Variants in PIK3R1 observed in about 807,000 individuals in gnomAD.
PIK3R1 encodes the protein phosphoinositide-3-kinase regulatory subunit 1, also known as phosphatidylinositol 3-kinase regulatory subunit alpha.
Under a neutral mutation model 98.0 loss-of-function variants are expected in PIK3R1, and 29 were observed. The observed-to-expected ratio is 0.30, with a 90% confidence interval of 0.22 to 0.40. PIK3R1 has a LOEUF of 0.40. PIK3R1 is among the 10% of genes least tolerant of loss of function. The pLI is 1.00. For missense variants in PIK3R1, 596 were observed against 872.7 expected (o/e 0.68, Z 3.99); for synonymous variants, 282 against 311.8 (o/e 0.90, Z 1.01).
At chr5:68,273,534 G>A (rs1276229219) in intron 3 of PIK3R1, 52 bp downstream of exon 3, 2 of 1,398,106 alleles carry the variant, frequency 1.4e-6, no homozygotes, top group South Asian at 1.2e-5. Context: ...CTTATTTCAT[G>A]GCTCTTATTA....
intron 2 of PIK3R1, among the ~76,000 whole-genome samples, chr5:68,260,980 T>C (rs1745722067): frequency 6.6e-6 from 1 of 152,198 alleles, no homozygotes; most frequent in Non-Finnish European, 1.5e-5. Context: ...ACCTATCCCC[T>C]GGGTTAGAAA....
chr5:68,272,059 T>C (rs1374579792), intron 2 of PIK3R1, among the ~76,000 whole-genome samples: 1 of 151,906 alleles, frequency 6.6e-6, no homozygotes, highest in African/African-American at 2.4e-5. Flanking sequence ...GAGACCAGCC[T>C]GGGCAATATG....
intron 3 of PIK3R1, 106 bp from the exon 4 acceptor site, chr5:68,273,833 A>G: frequency 3.5e-6 from 3 of 861,928 alleles, no homozygotes; most frequent in Admixed American, 3.5e-5. Flanking sequence ...GTACACATCT[A>G]GAACAGATAC....
At chr5:68,290,751 T>C (rs1222404333) in intron 7 of PIK3R1, 1 of 1,613,410 alleles carries the variant, frequency 6.2e-7, no homozygotes, top group Non-Finnish European at 8.5e-7. Context: ...GTTTGGAATA[T>C]GGAAGACCTG....
At chr5:68,262,971 A>G (rs1164458836) in intron 2 of PIK3R1, among the ~76,000 whole-genome samples, 6 of 55,342 alleles carry the variant, frequency 1.1e-4, no homozygotes, top group East Asian at 1.3e-3. Flanking sequence ...ATGTATACAT[A>G]TATACATGTA....
intron 2 of PIK3R1, among the ~76,000 whole-genome samples, chr5:68,242,696 G>T (rs1198473366): frequency 2.0e-5 from 3 of 152,206 alleles, no homozygotes; most frequent in Non-Finnish European, 4.4e-5. Context: ...GAACGGGATA[G>T]CCCAAGGCCT....
In PIK3R1 at chr5:68,279,747, C is replaced by T; in HGVS notation, c.634+14C>T. On this transcript the variant is annotated intron_variant, in intron 5 of 15. Coordinates refer to ENST00000521381, the MANE Select transcript of PIK3R1 (RefSeq NM_181523.3). ...CTTTAGCTCCAGGTTTGTTTTTTCT[C>T]TTCTGGGAACCTCATTGAACATACA... is the stretch of plus-strand genomic sequence containing the variant. 1 of 1,613,220 alleles carries T rather than the reference C, an allele frequency of 6.2e-7. No individual in the cohort carries two copies. The highest frequency in any genetic ancestry group is 8.5e-7 in the Non-Finnish European group (1 of 1,179,272).
intron 11 of PIK3R1, 60 bp from the exon 12 acceptor site, chr5:68,294,476 T>A: frequency 2.3e-6 from 3 of 1,302,302 alleles, no homozygotes; most frequent in Non-Finnish European, 3.2e-6. Flanking sequence ...TGGTAGTGTC[T>A]TGCAGTAAGA....
intron 2 of PIK3R1, among the ~76,000 whole-genome samples, chr5:68,250,158 C>CA (rs1745248110): frequency 6.6e-6 from 1 of 152,178 alleles, no homozygotes; most frequent in Non-Finnish European, 1.5e-5. Flanking sequence ...AGCACTTGCT[C>CA]CTCTCCAGCT....
intron 4 of PIK3R1, among the ~76,000 whole-genome samples, chr5:68,279,381 CAG>C (rs1746721552): frequency 6.6e-6 from 1 of 152,140 alleles, no homozygotes; most frequent in Admixed American, 6.5e-5. Context: ...TGCAATATGT[CAG>C]AGAGACCTCC....
intron 2 of PIK3R1, among the ~76,000 whole-genome samples, chr5:68,246,313 ATTTT>A (rs11351105): frequency 3.1e-5 from 4 of 127,288 alleles, no homozygotes; most frequent in South Asian, 5.0e-4. Flanking sequence ...TGGTGTGTAT[ATTTT>A]TTTTTTTTTT....
intron 2 of PIK3R1, among the ~76,000 whole-genome samples, chr5:68,246,312 TA>T (rs1210782226): frequency 8.6e-5 from 10 of 116,892 alleles, no homozygotes; most frequent in African/African-American, 3.3e-4. Flanking sequence ...TTGGTGTGTA[TA>T]TTTTTTTTTT....
intron 1 of PIK3R1, among the ~76,000 whole-genome samples, chr5:68,218,279 G>A (rs939065989): frequency 6.6e-6 from 1 of 152,116 alleles, no homozygotes; most frequent in Non-Finnish European, 1.5e-5. Flanking sequence ...ATTTTTGAAG[G>A]ACTTTGAATT....
rs1416053105 is a variant in PIK3R1, at chr5:68,273,350, A to G, written c.335-40A>G. 6 of 1,545,580 alleles carry G rather than the reference A, an allele frequency of 3.9e-6. No individual in the cohort carries two copies. The African/African-American group carries it at 6.8e-5, about 18-fold the overall frequency. On this transcript the variant is annotated intron_variant, in intron 2 of 15. Transcript: ENST00000521381. ...TCATTGTGGTCTAATGCATTCAACT[A>G]TCCAAATTAAATACAATGGTGGGAT...
chr5:68,217,584 C>T (rs1743934559), intron 1 of PIK3R1: 1 of 151,296 alleles, frequency 6.6e-6, no homozygotes. Context: ...CTTTAGGAAG[C>T]AAGTGTTTTT....
In PIK3R1 at chr5:68,273,278, GTTC is replaced by G. The variant is rs942840276; in HGVS notation, c.335-106_335-104del. The G allele has an allele frequency of 1.9e-4, 184 of 972,352 alleles. No individual in the cohort carries two copies. The African/African-American group carries it at 2.6e-3, about 14-fold the overall frequency. The allele number at this position is 972,352 out of a possible 1,614,324, so 60.2% of individuals were successfully genotyped here. A position where few individuals can be genotyped will look rare whatever the true frequency, so the allele number is the denominator to read the frequency against. ...GAAAGTGCAAAAGCCCAGAGCAGGG[GTTC>G]TTCTTGCTCGGGCCTGATGTAATTA... On this transcript the variant is annotated intron_variant, in intron 2 of 15. Coordinates refer to ENST00000521381, the MANE Select transcript of PIK3R1 (RefSeq NM_181523.3).
chr5:68,243,778 A>T (rs1015700737), intron 2 of PIK3R1, among the ~76,000 whole-genome samples: 3 of 152,222 alleles, frequency 2.0e-5, no homozygotes, highest in African/African-American at 7.2e-5. Flanking sequence ...TTTGGGATGC[A>T]GATTCTGAAT....
chr5:68,229,362 T>C (rs75252133), intron 2 of PIK3R1, among the ~76,000 whole-genome samples: 16 of 152,300 alleles, frequency 1.1e-4, no homozygotes, highest in African/African-American at 3.8e-4. Flanking sequence ...CAGTGACAAA[T>C]TGTGTGAAGG....
At chr5:68,223,453 C>G (rs1744167791) in intron 1 of PIK3R1, among the ~76,000 whole-genome samples, 1 of 151,706 alleles carries the variant, frequency 6.6e-6, no homozygotes, top group Non-Finnish European at 1.5e-5. Context: ...ACGTCTGCAT[C>G]AATGGATGGA....
Sources: gnomAD v4.1 joint callset for allele counts (sites outside exome capture counted in the v4.1 genomes callset) on GRCh38, gnomAD v4.1.1 for gene constraint, MANE v1.5 for transcripts, NCBI Gene and HGNC (gene_info 2026-07-23, HGNC 2026-07-21) for gene names.